The following WWOX variants were observed in gnomAD, a reference collection of about 807,000 sequenced individuals.
The protein encoded by WWOX is WW domain containing oxidoreductase, also known as WW domain-containing oxidoreductase.
In WWOX, 69 loss-of-function variants were observed where a neutral mutation model predicts 46.2. The ratio of observed to expected loss-of-function variants is 1.49; its 90% CI spans 1.23 to 1.82. The LOEUF (loss-of-function observed/expected upper bound fraction) is 1.82, where lower values mean the gene tolerates loss of function less well. Ranked by LOEUF, WWOX falls within the 40% of genes most tolerant of loss-of-function variation. The pLI, the probability that WWOX is intolerant of heterozygous loss-of-function variation, is 0.00. For missense variants in WWOX, 919 were observed against 542.6 expected (o/e 1.69, Z -6.89); for synonymous variants, 359 against 202.6 (o/e 1.77, Z -6.56).
intron 5 of WWOX, among the ~76,000 whole-genome samples, chr16:78,228,218 C>T (rs1342719416): frequency 1.3e-5 from 2 of 152,050 alleles, no homozygotes; most frequent in Non-Finnish European, 2.9e-5. Flanking sequence ...GTTCTCTTAC[C>T]CCTGAAATCG....
At chr16:78,172,208 C>T (rs2035185476) in intron 5 of WWOX, among the ~76,000 whole-genome samples, 1 of 152,132 alleles carries the variant, frequency 6.6e-6, no homozygotes, top group African/African-American at 2.4e-5. Context: ...ATGAGGGTAC[C>T]TAAAAAGTAC....
Position 78,339,408 on chromosome 16 carries a change from C to T in WWOX, c.517-47452C>T, listed in dbSNP as rs963267854. Among the ~76,000 whole-genome samples, 8 of 115,424 alleles carry T rather than the reference C, an allele frequency of 6.9e-5. 1 individual carries two copies. Among genetic ancestry groups the T allele is most frequent in the Admixed American group, 3.4e-4 (4 of 11,676 alleles). The allele number at this position is 115,424 out of a possible 152,430, so 75.7% of individuals were successfully genotyped here. On this transcript the variant is annotated intron_variant, in intron 5 of 8. Coordinates refer to ENST00000566780, the MANE Select transcript of WWOX (RefSeq NM_016373.4). ...AACTCCCCTGGAGCCTTTGTACCTT[C>T]TGCAGTTTGGGGTTGTTGTCCTTTT...
At chr16:78,364,558 A>G (rs1714523412) in intron 5 of WWOX, among the ~76,000 whole-genome samples, 1 of 113,524 alleles carries the variant, frequency 8.8e-6, no homozygotes, top group Admixed American at 1.0e-4. Context: ...CGGAAGAAAA[A>G]AAAATGGGAA....
At chr16:79,191,945 C>T (rs1361178471) in intron 8 of WWOX, among the ~76,000 whole-genome samples, 1 of 152,156 alleles carries the variant, frequency 6.6e-6, no homozygotes, top group Non-Finnish European at 1.5e-5. Flanking sequence ...CTGGGCTCAC[C>T]ACACATCAGG....
At chr16:78,567,437 C>G (rs1257278253) in intron 8 of WWOX, among the ~76,000 whole-genome samples, 1 of 150,758 alleles carries the variant, frequency 6.6e-6, no homozygotes, top group Admixed American at 6.6e-5. Context: ...CCTGTAGTCC[C>G]AGCTACTCCG....
intron 8 of WWOX, among the ~76,000 whole-genome samples, chr16:78,877,995 T>TACAGC (rs1192294137): frequency 3.9e-5 from 6 of 152,184 alleles, no homozygotes; most frequent in Admixed American, 2.6e-4. Context: ...ATGATTTTGT[T>TACAGC]TTTATAGGCT....
intron 8 of WWOX, among the ~76,000 whole-genome samples, chr16:79,096,277 TTC>T (rs1003323388): frequency 6.6e-6 from 1 of 152,080 alleles, no homozygotes; most frequent in African/African-American, 2.4e-5. Flanking sequence ...GATCACCTCT[TTC>T]TCCTGCTCCG....
chr16:79,156,280 A>G (rs1181534899), intron 8 of WWOX, among the ~76,000 whole-genome samples: 1 of 152,040 alleles, frequency 6.6e-6, no homozygotes, highest in African/African-American at 2.4e-5. Context: ...TCCCACGTCA[A>G]CCTCCAGAAT....
At chr16:78,745,326 G>A (rs959508994) in intron 8 of WWOX, among the ~76,000 whole-genome samples, 1 of 152,120 alleles carries the variant, frequency 6.6e-6, no homozygotes, top group African/African-American at 2.4e-5. Flanking sequence ...GCCTTCAAAA[G>A]CCTGAATTTC....
At chr16:78,925,636 C>G (rs2045480758) in intron 8 of WWOX, among the ~76,000 whole-genome samples, 1 of 152,212 alleles carries the variant, frequency 6.6e-6, no homozygotes, top group Admixed American at 6.5e-5. Context: ...TCAAACTGTA[C>G]AGAACTCTTT....
intron 5 of WWOX, among the ~76,000 whole-genome samples, chr16:78,301,326 T>G (rs1597457415): frequency 6.6e-6 from 1 of 152,218 alleles, no homozygotes; most frequent in African/African-American, 2.4e-5. Context: ...ATTAAAGAGT[T>G]TTTTTCAGGG....
intron 8 of WWOX, among the ~76,000 whole-genome samples, chr16:78,824,876 A>G (rs1226557203): frequency 6.6e-6 from 1 of 152,212 alleles, no homozygotes; most frequent in Non-Finnish European, 1.5e-5. Flanking sequence ...GTGTGAGAAC[A>G]GAACAGAGAG....
chr16:78,323,639 C>A (rs968834292), intron 5 of WWOX, among the ~76,000 whole-genome samples: 2 of 152,194 alleles, frequency 1.3e-5, no homozygotes, highest in African/African-American at 4.8e-5. Flanking sequence ...GTGGACTTTA[C>A]TTTTCACGCA....
At chr16:78,222,935 T>C (rs1331802909) in intron 5 of WWOX, among the ~76,000 whole-genome samples, 1 of 152,198 alleles carries the variant, frequency 6.6e-6, no homozygotes, top group Non-Finnish European at 1.5e-5. Flanking sequence ...TTCAGGGGGC[T>C]GTCCCCTTCC....
intron 8 of WWOX, among the ~76,000 whole-genome samples, chr16:78,519,632 A>G (rs117579112): frequency 6.6e-6 from 1 of 152,096 alleles, no homozygotes; most frequent in African/African-American, 2.4e-5. Context: ...ACTACAAAGC[A>G]GGACCTTTAG....
At chr16:78,493,189 A>G (rs1469173572) in intron 8 of WWOX, among the ~76,000 whole-genome samples, 3 of 152,188 alleles carry the variant, frequency 2.0e-5, no homozygotes, top group Non-Finnish European at 2.9e-5. Flanking sequence ...TAATGGAATA[A>G]TACATGTTTC....
At chr16:79,013,588 C>T (rs533859821) in intron 8 of WWOX, among the ~76,000 whole-genome samples, 1 of 152,164 alleles carries the variant, frequency 6.6e-6, no homozygotes, top group Non-Finnish European at 1.5e-5. Context: ...CTGTCTTCCA[C>T]CGGGACAGCC....
Position 79,095,368 on chromosome 16 carries a change from G to T in WWOX, c.1057-116240G>T, listed in dbSNP as rs373821819. Among the ~76,000 whole-genome samples the T allele has an allele frequency of 3.5e-4, 54 of 152,216 alleles. 1 individual carries two copies. The South Asian group carries it at 0.011, about 30-fold the overall frequency. On this transcript the variant is annotated intron_variant, in intron 8 of 8. Transcript: ENST00000566780. ...TCATTAATCCTCATAATGGTCCCTT[G>T]GCAGAATTATTCTTATTTTCAGAAT...
At chr16:78,482,909 A>T (rs2084531321) in intron 8 of WWOX, among the ~76,000 whole-genome samples, 1 of 152,214 alleles carries the variant, frequency 6.6e-6, no homozygotes, top group Non-Finnish European at 1.5e-5. Context: ...AGGCATGAAA[A>T]AGAAACAGTC....
Sources: allele counts gnomAD v4.1 joint callset (sites outside exome capture counted in the v4.1 genomes callset), GRCh38; gene constraint gnomAD v4.1.1; transcripts MANE v1.5; gene names NCBI Gene and HGNC (gene_info 2026-07-23, HGNC 2026-07-21).